The following MALRD1 variants were observed in gnomAD, a reference collection of about 807,000 sequenced individuals.
MALRD1 encodes MAM and LDL receptor class A domain containing 1.
Under a neutral mutation model 242.1 loss-of-function variants are expected in MALRD1, and 247 were observed. That is an observed-to-expected ratio of 1.02 (90% CI 0.92 to 1.13). The LOEUF is 1.13. Ranked by LOEUF, MALRD1 falls within the 50% of genes most tolerant of loss-of-function variation. The pLI, the probability that MALRD1 is intolerant of heterozygous loss-of-function variation, is 0.00. For missense variants in MALRD1, 2,989 were observed against 2,533.1 expected, an observed-to-expected ratio of 1.18 and a Z score of -3.86; for synonymous variants, 995 against 866.6, an observed-to-expected ratio of 1.15 and a Z score of -2.60.
chr10:19,599,224 G>T (rs1268386297), intron 34 of MALRD1, among the ~76,000 whole-genome samples: 1 of 152,100 alleles, frequency 6.6e-6, no homozygotes, highest in East Asian at 1.9e-4. Context: ...ATTTGGAGAC[G>T]TTTACAATTT....
At chr10:19,154,993 G>T in intron 11 of MALRD1, 82 bp from the exon 12 acceptor site, 3 of 711,008 alleles carry the variant, frequency 4.2e-6, no homozygotes, top group Non-Finnish European at 5.9e-6. Flanking sequence ...TTTAGCATGT[G>T]CAAGGATAAG....
At chr10:19,130,504 A>G (rs937258355) in intron 8 of MALRD1, among the ~76,000 whole-genome samples, 1 of 152,148 alleles carries the variant, frequency 6.6e-6, no homozygotes, top group Non-Finnish European at 1.5e-5. Context: ...CAGATAATTA[A>G]TTATTTCATG....
chr10:19,140,900 T>C (rs1156485734), intron 10 of MALRD1, among the ~76,000 whole-genome samples: 1 of 152,164 alleles, frequency 6.6e-6, no homozygotes, highest in Non-Finnish European at 1.5e-5. Context: ...TAACACTGTA[T>C]TGTATACTTG....
intron 30 of MALRD1, among the ~76,000 whole-genome samples, chr10:19,492,990 C>T (rs1455523148): frequency 6.6e-6 from 1 of 152,072 alleles, no homozygotes; most frequent in Non-Finnish European, 1.5e-5. Flanking sequence ...CTTTAAAAAG[C>T]TGTGGTAAAA....
intron 14 of MALRD1, among the ~76,000 whole-genome samples, chr10:19,182,806 T>TA (rs1242389483): frequency 6.6e-6 from 1 of 152,166 alleles, no homozygotes; most frequent in Non-Finnish European, 1.5e-5. Flanking sequence ...ACGATGCCCT[T>TA]AGTCTCTAAT....
chr10:19,170,246 G>A (rs1478559112), intron 13 of MALRD1, among the ~76,000 whole-genome samples: 1 of 152,096 alleles, frequency 6.6e-6, no homozygotes, highest in Non-Finnish European at 1.5e-5. Flanking sequence ...AACTTGGCCT[G>A]CTCACTTGCT....
At chr10:19,683,232 A>G (rs550896697) in intron 36 of MALRD1, among the ~76,000 whole-genome samples, 55 of 152,188 alleles carry the variant, frequency 3.6e-4, no homozygotes, top group Non-Finnish European at 7.1e-4. Flanking sequence ...AGTCTTAACC[A>G]AATGCTCACA....
chr10:19,573,928 T>G (rs1836678480), intron 33 of MALRD1, among the ~76,000 whole-genome samples: 2 of 152,158 alleles, frequency 1.3e-5, no homozygotes, highest in Non-Finnish European at 2.9e-5. Flanking sequence ...TAGGTTTTGT[T>G]GTTATTGAAT....
chr10:19,395,510 A>G (rs1353187367), intron 28 of MALRD1, among the ~76,000 whole-genome samples: 1 of 152,106 alleles, frequency 6.6e-6, no homozygotes, highest in Non-Finnish European at 1.5e-5. Context: ...AAGGGAGGCA[A>G]TCAGTTATGC....
chr10:19,439,638 A>C (rs1436868153), intron 28 of MALRD1, among the ~76,000 whole-genome samples: 1 of 152,220 alleles, frequency 6.6e-6, no homozygotes, highest in African/African-American at 2.4e-5. Context: ...TACATTAGCT[A>C]TACAACTATA....
intron 36 of MALRD1, among the ~76,000 whole-genome samples, chr10:19,683,923 C>T (rs182060194): frequency 6.6e-6 from 1 of 152,170 alleles, no homozygotes; most frequent in Admixed American, 6.5e-5. Flanking sequence ...TGCTCTCCCT[C>T]CCCTTGTCCC....
intron 32 of MALRD1, among the ~76,000 whole-genome samples, chr10:19,565,145 G>T (rs917323855): frequency 6.6e-6 from 1 of 152,100 alleles, no homozygotes; most frequent in African/African-American, 2.4e-5. Context: ...TAGTGGTAGG[G>T]TCAAATAATG....
intron 19 of MALRD1, among the ~76,000 whole-genome samples, chr10:19,266,902 G>C (rs116701841): frequency 0.014 from 2,146 of 152,070 alleles, 42 homozygotes; most frequent in African/African-American, 0.049. Flanking sequence ...CTTATATCTT[G>C]AATCAGATCT....
intron 21 of MALRD1, among the ~76,000 whole-genome samples, chr10:19,306,085 TATATACTATATACTAG>T (rs1446539745): frequency 1.7e-5 from 2 of 117,472 alleles, no homozygotes; most frequent in African/African-American, 3.4e-5. Flanking sequence ...CTATATACTA[TATATACTATATACTAG>T]ATAGTATATA....
intron 36 of MALRD1, among the ~76,000 whole-genome samples, chr10:19,684,519 G>C (rs1232431857): frequency 6.6e-6 from 1 of 152,174 alleles, no homozygotes. Flanking sequence ...ACTTGGGGAG[G>C]CTGGGGCAGA....
At chr10:19,359,204 C>T (rs1057262312) in intron 26 of MALRD1, among the ~76,000 whole-genome samples, 9 of 152,052 alleles carry the variant, frequency 5.9e-5, no homozygotes, top group African/African-American at 2.2e-4. Context: ...TGGCATATTC[C>T]ACCGAATATT....
chr10:19,115,431 T>C (rs1168821792), intron 5 of MALRD1, among the ~76,000 whole-genome samples: 1 of 152,044 alleles, frequency 6.6e-6, no homozygotes, highest in Non-Finnish European at 1.5e-5. Context: ...ATAAAAGCTT[T>C]TTTTTTTAAA....
At chr10:19,451,042 G>A (rs1835293981) in intron 29 of MALRD1, among the ~76,000 whole-genome samples, 1 of 152,154 alleles carries the variant, frequency 6.6e-6, no homozygotes, top group Non-Finnish European at 1.5e-5. Flanking sequence ...TCAGACCATA[G>A]CGATATCTTC....
chr10:19,244,108 C>T, intron 18 of MALRD1, among the ~76,000 whole-genome samples: 1 of 151,982 alleles, frequency 6.6e-6, no homozygotes, highest in East Asian at 1.9e-4. Context: ...ATCCAGTTTT[C>T]TAAGAAAAGA....
Sources: allele counts gnomAD v4.1 joint callset (sites outside exome capture counted in the v4.1 genomes callset), GRCh38; gene constraint gnomAD v4.1.1; transcripts MANE v1.5; gene names NCBI Gene and HGNC (gene_info 2026-07-23, HGNC 2026-07-21).